The following FBXL20 variants were observed in gnomAD, a reference collection of about 807,000 sequenced individuals.
FBXL20 encodes the protein F-box/LRR-repeat protein 20.
In FBXL20, 11 loss-of-function variants were observed where a neutral mutation model predicts 64.0. That is an observed-to-expected ratio of 0.17 (90% CI 0.11 to 0.28). The LOEUF is 0.28. FBXL20 is among the 10% of genes least tolerant of loss of function. FBXL20 has a pLI of 1.00. For synonymous variants in FBXL20, 184 were observed against 189.0 expected (o/e 0.97, Z 0.22); for missense variants, 303 against 526.2 (o/e 0.58, Z 4.15).
chr17:39,402,425 A>G (rs904468558), upstream of FBXL20: 3 of 372,476 alleles, frequency 8.1e-6, no homozygotes, highest in East Asian at 7.7e-5. Context: ...GCTGAGCAAC[A>G]GGCCAAGTGC....
intron 1 of FBXL20, among the ~76,000 whole-genome samples, chr17:39,365,261 C>T (rs961010031): frequency 1.3e-5 from 2 of 151,998 alleles, no homozygotes; most frequent in East Asian, 3.9e-4. Flanking sequence ...ATGTTTTTTC[C>T]AGTTGGCCAG....
intron 6 of FBXL20, among the ~76,000 whole-genome samples, chr17:39,295,008 T>C (rs1465070318): frequency 6.6e-6 from 1 of 152,226 alleles, no homozygotes; most frequent in Non-Finnish European, 1.5e-5. Context: ...AGAGACTTTA[T>C]TGTTAAAGAG....
intron 8 of FBXL20, 100 bp downstream of exon 8, chr17:39,282,629 T>C: frequency 2.0e-6 from 3 of 1,515,966 alleles, no homozygotes; most frequent in Non-Finnish European, 2.7e-6. Context: ...TACACACAAC[T>C]AACCTTTCCC....
At chr17:39,329,595 TTAGA>T in intron 2 of FBXL20, among the ~76,000 whole-genome samples, 1 of 152,186 alleles carries the variant, frequency 6.6e-6, no homozygotes, top group South Asian at 2.1e-4. Flanking sequence ...TCTATCTATC[TTAGA>T]TATATATGTA....
chr17:39,314,533 G>C (rs2047266256), intron 2 of FBXL20, among the ~76,000 whole-genome samples: 1 of 151,854 alleles, frequency 6.6e-6, no homozygotes, highest in Non-Finnish European at 1.5e-5. Flanking sequence ...TACAAATTTT[G>C]TATATATAGT....
intron 2 of FBXL20, among the ~76,000 whole-genome samples, chr17:39,332,402 C>T (rs1821378313): frequency 6.6e-6 from 1 of 152,126 alleles, no homozygotes; most frequent in Admixed American, 6.6e-5. Context: ...TCACATGTGT[C>T]GTCACAACTT....
In FBXL20 at chr17:39,281,966, A is replaced by G. The variant is rs1487061246; in HGVS notation, c.622-503T>C. ...ATTATAATGATACATTCCAATCAGTATTTTTCAGGATTCCTTAAATAACCA... is the reference window on the plus strand; with the variant it reads ...ATTATAATGATACATTCCAATCAGTGTTTTTCAGGATTCCTTAAATAACCA... On this transcript the variant is annotated intron_variant, in intron 8 of 14. Transcript: ENST00000264658. Among the ~76,000 whole-genome samples the G allele has an allele frequency of 1.6e-4, 25 of 152,176 alleles. 1 individual carries two copies.
At chr17:39,336,369 A>C (rs2047521987) in intron 2 of FBXL20, among the ~76,000 whole-genome samples, 1 of 152,208 alleles carries the variant, frequency 6.6e-6, no homozygotes, top group African/African-American at 2.4e-5. Flanking sequence ...CAGAAACTCA[A>C]AAGACACACA....
rs903162765 is a variant in FBXL20, at chr17:39,256,791, G to A, written c.*4669C>T. The A allele has an allele frequency of 6.6e-6, 1 of 152,140 alleles. No individual in the cohort carries two copies. Among genetic ancestry groups the A allele is most frequent in the African/African-American group, 2.4e-5 (1 of 41,434 alleles). The allele number at this position is 152,140 out of a possible 1,614,324, so 9.4% of individuals were successfully genotyped here. A position where few individuals can be genotyped will look rare whatever the true frequency, so the allele number is the denominator to read the frequency against. ...GCCAAGGGTCACCCATGACCCATGAGTGCTCTTCTCCCAACAACACAGTCA... is the reference window on the plus strand; with the variant it reads ...GCCAAGGGTCACCCATGACCCATGAATGCTCTTCTCCCAACAACACAGTCA... On this transcript the variant is annotated 3_prime_UTR_variant, in exon 15 of 15. Coordinates refer to ENST00000264658, the MANE Select transcript of FBXL20 (RefSeq NM_032875.3).
rs1267388948 is a variant in FBXL20 at position 39,401,432 on chromosome 17, G to T, written c.-30C>A. On this transcript the variant is annotated 5_prime_UTR_variant, in exon 1 of 15. Transcript: ENST00000264658. ...CCGGCGGGTGCGGCCCGGGCCGGGC[G>T]CTGCGGCGAGCGGAGTGCACAGACC... 3.2e-6 allele frequency: 5 copies of T among 1,572,196 alleles called. No individual in the cohort carries two copies. In the East Asian group the frequency reaches 7.2e-5, roughly 23 times the overall value.
chr17:39,357,618 C>T (rs1421085854), intron 1 of FBXL20, among the ~76,000 whole-genome samples: 1 of 152,208 alleles, frequency 6.6e-6, no homozygotes, highest in Non-Finnish European at 1.5e-5. Flanking sequence ...ACAAACATAG[C>T]TCACTGCAAC....
chr17:39,255,078 G>A lies in FBXL20; in HGVS notation c.*6382C>T, dbSNP rs2046682706. On this transcript the variant is annotated 3_prime_UTR_variant, in exon 15 of 15. Transcript: ENST00000264658. ...AAGATCAACTCAGCTTCACCTAAGA[G>A]GTTATGTACTGACCTTCCTAACGAT... 1 of 152,160 alleles carries A rather than the reference G, an allele frequency of 6.6e-6. No individual in the cohort carries two copies. The highest frequency in any genetic ancestry group is 2.4e-5 in the African/African-American group (1 of 41,412). The allele number at this position is 152,160 out of a possible 1,614,324, so 9.4% of individuals were successfully genotyped here.
intron 10 of FBXL20, among the ~76,000 whole-genome samples, chr17:39,273,003 C>G (rs1046918808): frequency 2.6e-5 from 4 of 152,084 alleles, no homozygotes; most frequent in Non-Finnish European, 4.4e-5. Context: ...GGTGTATGTT[C>G]TCTTAAGAAA....
upstream of FBXL20, chr17:39,401,725 G>T (rs911518627): frequency 1.2e-5 from 13 of 1,119,774 alleles, no homozygotes; most frequent in Non-Finnish European, 1.4e-5. Flanking sequence ...CGCCCGGGAG[G>T]GGGAGGGGCG....
intron 1 of FBXL20, among the ~76,000 whole-genome samples, chr17:39,396,808 T>C (rs937491971): frequency 6.6e-6 from 1 of 150,874 alleles, no homozygotes; most frequent in African/African-American, 2.4e-5. Context: ...ACAAAAAAAA[T>C]TAGCCGGGCA....
chr17:39,291,504 GCT>G (rs1421850998), intron 6 of FBXL20, among the ~76,000 whole-genome samples: 2 of 143,550 alleles, frequency 1.4e-5, no homozygotes, highest in Non-Finnish European at 3.0e-5. Flanking sequence ...CACAATCTCA[GCT>G]CACTGCAACC....
chr17:39,386,436 C>A (rs1178970705), intron 1 of FBXL20, among the ~76,000 whole-genome samples: 1 of 152,042 alleles, frequency 6.6e-6, no homozygotes, highest in Non-Finnish European at 1.5e-5. Context: ...TCGAGACCAG[C>A]CTGAGCAACA....
At chr17:39,352,336 C>T (rs2047695127) in intron 1 of FBXL20, among the ~76,000 whole-genome samples, 1 of 151,694 alleles carries the variant, frequency 6.6e-6, no homozygotes, top group Admixed American at 6.6e-5. Context: ...CAAGTCTGGC[C>T]TGGGCAAGAT....
intron 1 of FBXL20, among the ~76,000 whole-genome samples, chr17:39,392,278 A>G (rs1424458634): frequency 6.6e-6 from 1 of 151,958 alleles, no homozygotes; most frequent in East Asian, 1.9e-4. Flanking sequence ...CATATCTACT[A>G]AAAACACAAA....
Sources: allele counts gnomAD v4.1 joint callset (sites outside exome capture counted in the v4.1 genomes callset), GRCh38; gene constraint gnomAD v4.1.1; transcripts MANE v1.5; gene names NCBI Gene and HGNC (gene_info 2026-07-23, HGNC 2026-07-21).